The following NLK variants were observed in gnomAD, a reference collection of about 807,000 sequenced individuals.
NLK encodes the protein serine/threonine-protein kinase NLK.
A neutral mutation model predicts 59.0 loss-of-function variants in NLK; 11 were observed. That is an observed-to-expected ratio of 0.19 (90% CI 0.12 to 0.31). The LOEUF is 0.31. Among genes scored for constraint, NLK ranks in the 10% least tolerant of loss-of-function variants. The pLI, the probability that NLK is intolerant of heterozygous loss-of-function variation, is 1.00. For missense variants in NLK, 410 were observed against 661.1 expected (o/e 0.62, Z 4.16); for synonymous variants, 235 against 235.9 (o/e 1.00, Z 0.03).
chr17:28,098,185 G>A (rs983066633), intron 1 of NLK, among the ~76,000 whole-genome samples: 1 of 152,142 alleles, frequency 6.6e-6, no homozygotes, highest in Non-Finnish European at 1.5e-5. Context: ...CAAACTGTAA[G>A]TAAACAATTA....
At position 28,043,182 on chromosome 17, in the gene NLK, T is replaced by G. The variant is rs1164434472; in HGVS notation, c.309T>G (p.Pro103=). ...CATCACCGGCACCGGGGCAGGCTCC[T>G]GGACCAGCTGCAGCAGCCCCAGCTC... The part of the protein sequence containing the change: ...YFPSPAPGQA[P]GPAAAAPAQV... Residue 103 remains proline, a synonymous_variant, in exon 1 of 11, where the codon CCT becomes CCG. Transcript: ENST00000407008. 6.2e-7 allele frequency: 1 copy of G among 1,613,848 alleles called. No homozygotes were observed. Among genetic ancestry groups the G allele is most frequent in the African/African-American group, 1.3e-5 (1 of 74,920 alleles).
At position 28,185,181 on chromosome 17, in the gene NLK, A is replaced by G. The variant is rs1909066905; in HGVS notation, c.1152A>G (p.Pro384=). ...AHILRGPHKQ[P]SLPVLYTLSS... is the part of the protein sequence containing the mutation. Reference sequence around the variant, plus strand: ...TTGAATTTTTAATTTTTTCACAGCCATCTCTTCCTGTACTCTATACCCTGT... The same window carrying G: ...TTGAATTTTTAATTTTTTCACAGCCGTCTCTTCCTGTACTCTATACCCTGT... Residue 384 remains proline, a splice_region_variant and synonymous_variant, in exon 8 of 11, where the codon CCA becomes CCG. Coordinates refer to ENST00000407008, the MANE Select transcript of NLK (RefSeq NM_016231.5). 5.1e-6 allele frequency: 8 copies of G among 1,557,854 alleles called. No homozygotes were observed. Among genetic ancestry groups the G allele is most frequent in the Non-Finnish European group, 7.0e-6 (8 of 1,150,924 alleles).
chr17:28,085,802 A>C (rs573699300), intron 1 of NLK, among the ~76,000 whole-genome samples: 14 of 152,302 alleles, frequency 9.2e-5, no homozygotes, highest in African/African-American at 3.4e-4. Flanking sequence ...TAGCCATCAT[A>C]AAGTCATAGT....
chr17:28,110,289 T>G (rs989630892), intron 1 of NLK, among the ~76,000 whole-genome samples: 1 of 152,152 alleles, frequency 6.6e-6, no homozygotes, highest in African/African-American at 2.4e-5. Context: ...TAGTCTGATA[T>G]AGAATTTTTG....
the NLK span, among the ~76,000 whole-genome samples, chr17:28,204,393 G>T: frequency 1.3e-5 from 2 of 152,324 alleles, no homozygotes; most frequent in East Asian, 3.9e-4. Flanking sequence ...AGTGCGTAGT[G>T]TTTAGGGAAC....
intron 8 of NLK, among the ~76,000 whole-genome samples, chr17:28,187,288 TGTTTG>T (rs34816240): frequency 2.6e-5 from 4 of 152,024 alleles, no homozygotes; most frequent in Admixed American, 1.3e-4. Flanking sequence ...TCCCATGTTT[TGTTTG>T]GTTTGGTTTG....
chr17:28,112,428 G>A (rs1360074940), intron 1 of NLK, among the ~76,000 whole-genome samples: 2 of 152,126 alleles, frequency 1.3e-5, no homozygotes, highest in East Asian at 1.9e-4. Flanking sequence ...TGTGGCAGGG[G>A]TGGGGTAAGA....
intron 8 of NLK, among the ~76,000 whole-genome samples, 168 bp downstream of exon 8, chr17:28,185,433 A>C (rs929911459): frequency 6.6e-6 from 1 of 152,246 alleles, no homozygotes; most frequent in African/African-American, 2.4e-5. Context: ...CAGAAGTTTG[A>C]TTATTAACAC....
intron 1 of NLK, among the ~76,000 whole-genome samples, chr17:28,076,506 A>G (rs1465947051): frequency 6.6e-6 from 1 of 152,200 alleles, no homozygotes; most frequent in Non-Finnish European, 1.5e-5. Context: ...GGTGATTAGG[A>G]TTTCAACATA....
At chr17:28,172,731 T>C (rs1317394509) in intron 7 of NLK, 113 bp downstream of exon 7, 3 of 469,776 alleles carry the variant, frequency 6.4e-6, no homozygotes, top group African/African-American at 4.1e-5. Flanking sequence ...GTAGGATTTT[T>C]TTTTTTAACA....
rs901981195 is a variant in NLK at position 28,050,608 on chromosome 17, A to AT, written c.458+7288dup. ...AGTAAGAGAGACTTCGTCAGATTTA[A>AT]TTTTTTTTTTTGGATATGTAAAATA... On this transcript the variant is annotated intron_variant, in intron 1 of 10. Coordinates refer to ENST00000407008, the MANE Select transcript of NLK (RefSeq NM_016231.5). Among the ~76,000 whole-genome samples the AT allele has an allele frequency of 6.9e-3, 1,025 of 148,636 alleles. 9 individuals are homozygous for AT. The highest frequency in any genetic ancestry group is 0.022 in the African/African-American group (879 of 40,752).
intron 5 of NLK, among the ~76,000 whole-genome samples, chr17:28,166,779 T>C (rs1048140163): frequency 1.6e-4 from 25 of 152,242 alleles, no homozygotes; most frequent in Admixed American, 1.6e-3. Flanking sequence ...ACTTTTCAGT[T>C]GAGCAGAAAT....
At chr17:28,179,880 T>G (rs895736908) in intron 7 of NLK, among the ~76,000 whole-genome samples, 5 of 147,806 alleles carry the variant, frequency 3.4e-5, no homozygotes, top group Admixed American at 1.4e-4. Flanking sequence ...TGGTTTTTTT[T>G]TTTTTTTTTT....
At chr17:28,134,088 T>A (rs1365060711) in intron 3 of NLK, among the ~76,000 whole-genome samples, 1 of 150,994 alleles carries the variant, frequency 6.6e-6, no homozygotes, top group African/African-American at 2.4e-5. Context: ...GAAAAAAAAA[T>A]AAAAATAAAA....
At chr17:28,176,359 TTAAG>T (rs952782159) in intron 7 of NLK, among the ~76,000 whole-genome samples, 1 of 152,224 alleles carries the variant, frequency 6.6e-6, no homozygotes, top group African/African-American at 2.4e-5. Context: ...TAGTTTTCAT[TTAAG>T]TAATTACTCA....
intron 1 of NLK, among the ~76,000 whole-genome samples, chr17:28,072,879 A>G (rs1910051895): frequency 6.6e-6 from 1 of 152,046 alleles, no homozygotes; most frequent in Admixed American, 6.6e-5. Context: ...TTTGCATCTG[A>G]TAATACTCTT....
intron 2 of NLK, among the ~76,000 whole-genome samples, chr17:28,123,194 T>C (rs1300157939): frequency 1.3e-5 from 2 of 152,224 alleles, no homozygotes; most frequent in Admixed American, 1.3e-4. Flanking sequence ...ACGTTGAACC[T>C]ATTGAGTTTC....
chr17:28,173,480 G>A (rs901503465), intron 7 of NLK, among the ~76,000 whole-genome samples: 1 of 152,086 alleles, frequency 6.6e-6, no homozygotes, highest in Non-Finnish European at 1.5e-5. Context: ...TTCCCTTTGC[G>A]GTTCTCTCTT....
chr17:28,128,778 A>T (rs1411726993), intron 2 of NLK, among the ~76,000 whole-genome samples: 2 of 152,210 alleles, frequency 1.3e-5, no homozygotes, highest in African/African-American at 4.8e-5. Context: ...CACCTACCCA[A>T]TGACCCAGCA....
Sources: gnomAD v4.1 joint callset for allele counts (sites outside exome capture counted in the v4.1 genomes callset) on GRCh38, gnomAD v4.1.1 for gene constraint, MANE v1.5 for transcripts, NCBI Gene and HGNC (gene_info 2026-07-23, HGNC 2026-07-21) for gene names.